The following GRID1 variants were observed in gnomAD, a reference collection of about 807,000 sequenced individuals.
GRID1 encodes glutamate ionotropic receptor delta type subunit 1.
GRID1 carries 28 observed loss-of-function variants against 98.0 expected under a neutral mutation model. That is an observed-to-expected ratio of 0.29 (90% confidence interval 0.21 to 0.39). The LOEUF is 0.39. Among genes scored for constraint, GRID1 ranks in the 10% least tolerant of loss-of-function variants. GRID1 has a pLI of 1.00. For missense variants in GRID1, 1,111 were observed against 1,340.5 expected (o/e 0.83, Z 2.67); for synonymous variants, 553 against 538.5 (o/e 1.03, Z -0.37).
intron 4 of GRID1, among the ~76,000 whole-genome samples, chr10:86,017,903 G>A (rs530441036): frequency 5.9e-5 from 9 of 152,320 alleles, no homozygotes; most frequent in East Asian, 1.9e-4. Context: ...TAGTGCTCAC[G>A]TGTGTGGAGG....
At chr10:85,939,538 T>A (rs1239472891) in intron 4 of GRID1, among the ~76,000 whole-genome samples, 2 of 152,132 alleles carry the variant, frequency 1.3e-5, no homozygotes, top group African/African-American at 4.8e-5. Flanking sequence ...CCTTCCTCCA[T>A]CTTCACAATC....
At position 85,600,354 on chromosome 10, in the gene GRID1, A is replaced by G. The variant is rs1363275622; in HGVS notation, c.*1919T>C. ...ATCCAGCAATAAATAACATAATTATAAACACTCTCTTCCCCACAGTGCTTT... is the reference window on the plus strand; with the variant it reads ...ATCCAGCAATAAATAACATAATTATGAACACTCTCTTCCCCACAGTGCTTT... On this transcript the variant is annotated 3_prime_UTR_variant, in exon 16 of 16. Transcript: ENST00000327946. 1.3e-5 allele frequency: 2 copies of G among 152,186 alleles called. No individual in the cohort carries two copies. Among genetic ancestry groups the G allele is most frequent in the African/African-American group, 4.8e-5 (2 of 41,446 alleles). The allele number at this position is 152,186 out of a possible 1,614,324, so 9.4% of individuals were successfully genotyped here.
intron 4 of GRID1, among the ~76,000 whole-genome samples, chr10:86,024,446 A>G (rs1181515074): frequency 6.6e-6 from 1 of 152,158 alleles, no homozygotes; most frequent in Non-Finnish European, 1.5e-5. Context: ...TTTTTTCCCT[A>G]GGCAGCATGC....
rs531138702 is a variant in GRID1 at position 85,900,257 on chromosome 10, G to A, written c.780+15929C>T. Among the ~76,000 whole-genome samples the A allele has an allele frequency of 7.4e-4, 112 of 152,292 alleles. 1 individual carries two copies. The highest frequency in any genetic ancestry group is 1.8e-3 in the Admixed American group (28 of 15,296). ...TGTGTGTGTACATGTGCGTGCAGGC[G>A]CGCTTGCTTCTCCTCTGTGTGGTGC... On this transcript the variant is annotated intron_variant, in intron 5 of 15. Coordinates refer to ENST00000327946, the MANE Select transcript of GRID1 (RefSeq NM_017551.3).
intron 8 of GRID1, among the ~76,000 whole-genome samples, chr10:85,803,407 A>T (rs1842595059): frequency 6.6e-6 from 1 of 152,092 alleles, no homozygotes; most frequent in South Asian, 2.1e-4. Context: ...AAAACCCCAC[A>T]TACAAACTTA....
chr10:85,701,181 C>T (rs1315702430), intron 12 of GRID1, among the ~76,000 whole-genome samples: 2 of 152,058 alleles, frequency 1.3e-5, no homozygotes, highest in Non-Finnish European at 2.9e-5. Context: ...GATTCAAATT[C>T]TTCTCACTTT....
chr10:85,872,661 G>A (rs1843290329), intron 5 of GRID1, among the ~76,000 whole-genome samples: 1 of 152,194 alleles, frequency 6.6e-6, no homozygotes, highest in African/African-American at 2.4e-5. Flanking sequence ...CTCAGCCCCT[G>A]CCCCCAACTC....
chr10:86,180,049 C>T (rs1410628962), intron 3 of GRID1, among the ~76,000 whole-genome samples: 2 of 152,184 alleles, frequency 1.3e-5, no homozygotes, highest in Non-Finnish European at 2.9e-5. Context: ...ATGGCAGAAG[C>T]CAAGTCAAGA....
At chr10:85,656,589 C>A (rs1339331618) in intron 12 of GRID1, among the ~76,000 whole-genome samples, 2 of 152,176 alleles carry the variant, frequency 1.3e-5, no homozygotes, top group Non-Finnish European at 2.9e-5. Flanking sequence ...AATCACTAAC[C>A]CCTAAACCAT....
intron 8 of GRID1, among the ~76,000 whole-genome samples, chr10:85,830,545 TTGCAAACTA>T (rs71016113): frequency 1 from 151,209 of 151,916 alleles, 75,251 homozygotes; most frequent in African/African-American, 1. Flanking sequence ...GAGAAAAATT[TTGCAAACTA>T]TGCAAACTAT....
chr10:86,365,563 C>G lies in GRID1; in HGVS notation c.79+751G>C, dbSNP rs549853317. The stretch of plus-strand genomic sequence containing the variant: ...GCATCCCCCTACCCCCCGCTGCCCA[C>G]GCTTCTTCCCTCGGCTCCCACCACC... On this transcript the variant is annotated intron_variant, in intron 1 of 15. Transcript: ENST00000327946. The surrounding 1 kb of genome is among the most constrained non-coding windows in gnomAD (Gnocchi z 4.8). 1.4e-5 allele frequency among the ~76,000 whole-genome samples: 2 copies of G among 146,886 alleles called. No homozygotes were observed. The highest frequency in any genetic ancestry group is 5.0e-5 in the African/African-American group (2 of 39,684).
In GRID1 at chr10:85,782,125, A is replaced by G. The variant is rs543577293; in HGVS notation, c.1234-52511T>C. Among the ~76,000 whole-genome samples the G allele has an allele frequency of 4.6e-5, 7 of 152,358 alleles. No individual in the cohort carries two copies. In the South Asian group the frequency reaches 1.2e-3, roughly 27 times the overall value. ...TTTTAAAATGTTTACAAAGCCAGCC[A>G]GGTCTGGGAGCTACTGCAATTAGCC... On this transcript the variant is annotated intron_variant, in intron 8 of 15. Coordinates refer to ENST00000327946, the MANE Select transcript of GRID1 (RefSeq NM_017551.3).
intron 3 of GRID1, among the ~76,000 whole-genome samples, chr10:86,205,952 C>T (rs760201831): frequency 2.2e-4 from 33 of 152,024 alleles, no homozygotes; most frequent in Admixed American, 5.2e-4. Context: ...AGGCAGATTG[C>T]GATGGATGGA....
chr10:86,048,411 G>C (rs1472674359), intron 4 of GRID1, among the ~76,000 whole-genome samples: 2 of 152,158 alleles, frequency 1.3e-5, no homozygotes, highest in African/African-American at 4.8e-5. Context: ...TCTAAGAGAA[G>C]AGGCACCAAA....
intron 8 of GRID1, among the ~76,000 whole-genome samples, chr10:85,853,645 G>A (rs113809810): frequency 0.015 from 2,262 of 152,274 alleles, 62 homozygotes; most frequent in African/African-American, 0.051. Flanking sequence ...GCTGGCCCAG[G>A]ACAGCCAGCC....
At chr10:86,057,461 A>G (rs1843590658) in intron 4 of GRID1, among the ~76,000 whole-genome samples, 1 of 152,150 alleles carries the variant, frequency 6.6e-6, no homozygotes, top group African/African-American at 2.4e-5. Context: ...CAACCAAGCC[A>G]TGGCTCTTCT....
chr10:85,660,582 C>A (rs187922771), intron 12 of GRID1, among the ~76,000 whole-genome samples: 2 of 151,688 alleles, frequency 1.3e-5, no homozygotes, highest in South Asian at 2.1e-4. Flanking sequence ...GAGACTCATA[C>A]CAATTTATGC....
chr10:85,863,839 C>T (rs1014902956), intron 6 of GRID1, among the ~76,000 whole-genome samples: 1 of 152,136 alleles, frequency 6.6e-6, no homozygotes, highest in South Asian at 2.1e-4. Flanking sequence ...GGTATTCCAG[C>T]CTAGTATTTG....
intron 13 of GRID1, among the ~76,000 whole-genome samples, chr10:85,637,471 A>G (rs1421240773): frequency 6.6e-6 from 1 of 152,228 alleles, no homozygotes; most frequent in Non-Finnish European, 1.5e-5. Flanking sequence ...CAGGAGGCTG[A>G]AGCCCAAGAC....
Sources: allele counts gnomAD v4.1 joint callset (sites outside exome capture counted in the v4.1 genomes callset), GRCh38; gene constraint gnomAD v4.1.1; non-coding constraint Gnocchi (gnomAD v3.1); transcripts MANE v1.5; gene names NCBI Gene and HGNC (gene_info 2026-07-23, HGNC 2026-07-21).